Variants in CCDC141 observed in about 807,000 individuals in gnomAD.
The protein encoded by CCDC141 is coiled-coil domain-containing protein 141.
A neutral mutation model predicts 181.0 loss-of-function variants in CCDC141; 168 were observed. That is an observed-to-expected ratio of 0.93 (90% CI 0.82 to 1.05). CCDC141 has a LOEUF of 1.05. Among genes scored for constraint, CCDC141 ranks in the 50% least tolerant of loss-of-function variants. CCDC141 has a pLI of 0.00. For synonymous variants in CCDC141, 666 were observed against 642.3 expected (o/e 1.04, Z -0.56); for missense variants, 1,902 against 1,788.5 (o/e 1.06, Z -1.14).
chr2:178,990,644 C>G (rs1164241593), intron 2 of CCDC141, among the ~76,000 whole-genome samples: 1 of 150,644 alleles, frequency 6.6e-6, no homozygotes, highest in African/African-American at 2.4e-5. Context: ...GGAAGTGAGA[C>G]CAATACATGC....
intron 2 of CCDC141, among the ~76,000 whole-genome samples, chr2:179,041,059 T>TG (rs2043284422): frequency 6.6e-6 from 1 of 151,500 alleles, no homozygotes; most frequent in South Asian, 2.1e-4. Context: ...TCTGCTGTTG[T>TG]TTTGTTTGTT....
chr2:178,839,659 C>T (rs1455196231), intron 22 of CCDC141, among the ~76,000 whole-genome samples: 1 of 149,322 alleles, frequency 6.7e-6, no homozygotes, highest in Non-Finnish European at 1.5e-5. Context: ...TCTACTATCC[C>T]ACAGAGATTA....
chr2:178,822,223 C>T, the CCDC141 span, among the ~76,000 whole-genome samples: 7 of 149,958 alleles, frequency 4.7e-5, 1 homozygote, highest in South Asian at 1.5e-3. Context: ...CACTTGGACA[C>T]AGGAAGGGGA....
chr2:179,019,194 C>T (rs577209676), intron 2 of CCDC141, among the ~76,000 whole-genome samples: 91 of 152,252 alleles, frequency 6.0e-4, no homozygotes, highest in African/African-American at 2.1e-3. Flanking sequence ...CAACATTTAT[C>T]CAAATCCAAA....
At chr2:178,853,030 C>T (rs929386295) in intron 20 of CCDC141, among the ~76,000 whole-genome samples, 2 of 152,194 alleles carry the variant, frequency 1.3e-5, no homozygotes, top group African/African-American at 4.8e-5. Flanking sequence ...CTGGAGACTT[C>T]AGTCTTAGCT....
At chr2:178,851,291 C>G (rs1384670741) in intron 20 of CCDC141, among the ~76,000 whole-genome samples, 3 of 151,788 alleles carry the variant, frequency 2.0e-5, no homozygotes, top group African/African-American at 7.3e-5. Context: ...CTATCTGACT[C>G]TACACCCTAG....
At chr2:179,043,644 C>T (rs907088222) in intron 2 of CCDC141, among the ~76,000 whole-genome samples, 2 of 152,066 alleles carry the variant, frequency 1.3e-5, no homozygotes, top group South Asian at 2.1e-4. Flanking sequence ...GTTAAAAACT[C>T]GGAATAAACT....
intron 2 of CCDC141, chr2:179,002,010 G>C (rs541797047): frequency 6.3e-6 from 1 of 159,558 alleles, no homozygotes; most frequent in Non-Finnish European, 1.4e-5. Context: ...GTAGAGACAG[G>C]GTTTCGGCAT....
intron 5 of CCDC141, among the ~76,000 whole-genome samples, chr2:178,952,763 T>G (rs188095075): frequency 6.6e-6 from 1 of 152,338 alleles, no homozygotes; most frequent in Non-Finnish European, 1.5e-5. Flanking sequence ...AGACAGTCAT[T>G]TATACCTGTT....
intron 23 of CCDC141, among the ~76,000 whole-genome samples, chr2:178,834,930 T>C (rs1306196536): frequency 3.3e-5 from 5 of 151,862 alleles, no homozygotes; most frequent in Admixed American, 3.3e-4. Flanking sequence ...GACAATGTTT[T>C]TGGAAAACTG....
At chr2:178,971,497 G>C (rs1361237344) in intron 4 of CCDC141, among the ~76,000 whole-genome samples, 1 of 152,210 alleles carries the variant, frequency 6.6e-6, no homozygotes. Context: ...TTCAACCATT[G>C]TGGATGACAG....
intron 4 of CCDC141, 44 bp from the exon 5 acceptor site, chr2:178,961,527 GC>G (rs1690401860): frequency 1.4e-6 from 2 of 1,408,124 alleles, no homozygotes; most frequent in Non-Finnish European, 9.7e-7. Context: ...ATATTAGCAA[GC>G]TTTTATACAG....
At position 178,850,095 on chromosome 2, in the gene CCDC141, A is replaced by T. The variant is rs1161902755; in HGVS notation, c.3311T>A (p.Val1104Glu). The stretch of plus-strand genomic sequence containing the variant: ...TGTGAGGGACTCACATAATTCAGTC[A>T]CAGATTCAAGAACCTCTTTGTGTTT... ...VTKHKEVLES[V>E]TELCESLTEL... The change falls in exon 21 of 24, where the codon GTG (valine) becomes GAG (glutamate). Residue 1104 changes from valine (V) to glutamate (E), a missense_variant. Coordinates refer to ENST00000443758, the MANE Select transcript of CCDC141 (RefSeq NM_173648.4). 6.2e-7 allele frequency: 1 copy of T among 1,610,858 alleles called. No homozygotes were observed. The highest frequency in any genetic ancestry group is 1.3e-5 in the African/African-American group (1 of 74,844).
At chr2:178,905,234 G>C (rs1054399482) in intron 8 of CCDC141, 95 bp downstream of exon 8, 6 of 1,167,216 alleles carry the variant, frequency 5.1e-6, no homozygotes, top group Middle Eastern at 2.0e-4. Flanking sequence ...CAAAACATCA[G>C]AACCAGAAAA....
At chr2:179,032,854 G>A (rs1392197204) in intron 2 of CCDC141, among the ~76,000 whole-genome samples, 2 of 151,880 alleles carry the variant, frequency 1.3e-5, no homozygotes, top group African/African-American at 4.8e-5. Context: ...TTGGAGAACA[G>A]GGCTAATCAT....
intron 6 of CCDC141, among the ~76,000 whole-genome samples, chr2:178,929,554 A>ATAGT (rs111676317): frequency 6.6e-6 from 1 of 151,472 alleles, no homozygotes; most frequent in East Asian, 1.9e-4. Context: ...TTGAAGATAA[A>ATAGT]CAGAACATTT....
intron 2 of CCDC141, among the ~76,000 whole-genome samples, chr2:179,045,918 A>AAG (rs200648969): frequency 7.0e-5 from 3 of 42,980 alleles, no homozygotes; most frequent in Non-Finnish European, 1.3e-4. Context: ...GGAGCTGTCA[A>AAG]ACGGGAATAA....
rs1223690173 is a variant in CCDC141, at chr2:178,973,156, A to C, written c.526+1901T>G. The stretch of plus-strand genomic sequence containing the variant: ...TTTAATATGCATTTCAAATCAGCTA[A>C]TCTTAATCATATCCCATGGAATTAG... On this transcript the variant is annotated intron_variant, in intron 4 of 23. Coordinates refer to ENST00000443758, the MANE Select transcript of CCDC141 (RefSeq NM_173648.4). 4.6e-5 allele frequency among the ~76,000 whole-genome samples: 7 copies of C among 152,192 alleles called. No individual in the cohort carries two copies. In the East Asian group the frequency reaches 1.3e-3, roughly 29 times the overall value.
chr2:179,008,748 G>A (rs187693943), intron 2 of CCDC141, among the ~76,000 whole-genome samples: 1 of 152,222 alleles, frequency 6.6e-6, no homozygotes, highest in African/African-American at 2.4e-5. Context: ...GAAAAGTCTT[G>A]AGTCCCCCAA....
Sources: allele counts gnomAD v4.1 joint callset (sites outside exome capture counted in the v4.1 genomes callset), GRCh38; gene constraint gnomAD v4.1.1; transcripts MANE v1.5; gene names NCBI Gene and HGNC (gene_info 2026-07-23, HGNC 2026-07-21).